CDH15: variants seen among roughly 807,000 people sequenced by gnomAD.
CDH15 encodes cadherin 15, also known as cadherin-15.
In CDH15, 73 loss-of-function variants were observed where a neutral mutation model predicts 69.4. That is an observed-to-expected ratio of 1.05 (90% confidence interval 0.87 to 1.28). The LOEUF (loss-of-function observed/expected upper bound fraction) is 1.28, where lower values mean the gene tolerates loss of function less well. CDH15 is among the 50% of genes most tolerant of loss of function. The probability of loss-of-function intolerance (pLI) is 0.00; values close to 1 mark genes in which losing one functional copy is unlikely to be tolerated. For synonymous variants in CDH15, 624 were observed against 507.7 expected (o/e 1.23, Z -3.08); for missense variants, 1,343 against 1,133.6 (o/e 1.18, Z -2.65).
At chr16:89,192,124 C>T in intron 10 of CDH15, 81 bp from the exon 11 acceptor site, 2 of 1,454,308 alleles carry the variant, frequency 1.4e-6, no homozygotes. Flanking sequence ...TCGGGATCCC[C>T]ACCCTGTCTC....
At chr16:89,185,696 C>T (rs1010092476) in intron 5 of CDH15, 31 of 357,944 alleles carry the variant, frequency 8.7e-5, no homozygotes, top group Non-Finnish European at 1.4e-4. Context: ...TCGGTGCTCC[C>T]GGAAGACCCC....
Position 89,183,617 on chromosome 16 carries a change from G to A in CDH15, c.427G>A (p.Val143Met). The A allele has an allele frequency of 6.2e-7, 1 of 1,614,178 alleles. No homozygotes were observed. The highest frequency in any genetic ancestry group is 2.2e-5 in the East Asian group (1 of 44,890). Reference sequence around the variant, plus strand: ...CCCCACGGACCTGGAGATTGTAGTTGTGGATCAGAATGACAACCGGCCAGC... The same window carrying A: ...CCCCACGGACCTGGAGATTGTAGTTATGGATCAGAATGACAACCGGCCAGC... ...EDPTDLEIVVVDQNDNRPAFL... is the reference protein window; with the variant it reads ...EDPTDLEIVVMDQNDNRPAFL... Residue 143 changes from valine (V) to methionine (M), a missense_variant, in exon 4 of 14, where the codon GTG becomes ATG. Transcript: ENST00000289746.
rs190571857 is a variant in CDH15, at chr16:89,181,516, G to A, written c.357+1161G>A. ...AAATTAGCCAGCGGTGTTGCTGCGTGCCTGTGGTCCCAGCTGCTTGGAAGG... is the reference window on the plus strand; with the variant it reads ...AAATTAGCCAGCGGTGTTGCTGCGTACCTGTGGTCCCAGCTGCTTGGAAGG... On this transcript the variant is annotated intron_variant, in intron 3 of 13. Transcript: ENST00000289746. 7.9e-5 allele frequency among the ~76,000 whole-genome samples: 12 copies of A among 152,328 alleles called. No individual in the cohort carries two copies. The East Asian group carries it at 2.3e-3, about 29-fold the overall frequency.
chr16:89,178,742 G>C (rs1251168176), intron 1 of CDH15, among the ~76,000 whole-genome samples: 1 of 152,238 alleles, frequency 6.6e-6, no homozygotes, highest in Non-Finnish European at 1.5e-5. Context: ...TACATCTCCA[G>C]CTGCTCTTGA....
In CDH15 at chr16:89,185,160, C is replaced by A. The variant is rs1480263103; in HGVS notation, c.503-13C>A. On this transcript the variant is annotated splice_polypyrimidine_tract_variant and intron_variant, in intron 4 of 13. Coordinates refer to ENST00000289746, the MANE Select transcript of CDH15 (RefSeq NM_004933.3). ...TGTGGACGTTGGCCCTCACGCCTCC[C>A]TGTGCTTCCCAGGCACCTATGTGAC... 1 of 1,587,430 alleles carries A rather than the reference C, an allele frequency of 6.3e-7. No homozygotes were observed. Among genetic ancestry groups the A allele is most frequent in the South Asian group, 1.1e-5 (1 of 87,848 alleles).
In CDH15 at chr16:89,179,543, A is replaced by C. The variant is rs1209708412; in HGVS notation, c.170A>C (p.Asn57Thr). The C allele has an allele frequency of 3.7e-6, 6 of 1,608,388 alleles. No homozygotes were observed. The South Asian group carries it at 5.5e-5, about 15-fold the overall frequency. Reference protein sequence around the residue: ...WVIPPISVSENHKRLPYPLVQ... With the variant: ...WVIPPISVSETHKRLPYPLVQ... ...ATCCCCCCGATCAGCGTATCCGAGA[A>C]CCACAAGCGTCTCCCCTACCCCCTG... The change falls in exon 2 of 14, where the codon AAC becomes ACC. Residue 57 changes from asparagine (N) to threonine (T), a missense_variant. Transcript: ENST00000289746.
intron 8 of CDH15, among the ~76,000 whole-genome samples, chr16:89,190,811 G>A (rs967820680): frequency 6.6e-6 from 1 of 152,140 alleles, no homozygotes; most frequent in African/African-American, 2.4e-5. Flanking sequence ...CTGGCCCTGT[G>A]TATCCCTGTC....
chr16:89,178,760 G>A (rs1915311537), intron 1 of CDH15, among the ~76,000 whole-genome samples: 2 of 152,236 alleles, frequency 1.3e-5, no homozygotes, highest in Non-Finnish European at 2.9e-5. Context: ...TGATGGACTG[G>A]AGCTGAACTC....
Position 89,177,229 on chromosome 16 carries a change from G to A in CDH15, c.43-2187G>A, listed in dbSNP as rs183058692. ...TCTCTCACCCCCACAGCCCTGCAGT[G>A]GGGGGCTGGGAAGGTCGGGGTACCC... On this transcript the variant is annotated intron_variant, in intron 1 of 13. Transcript: ENST00000289746. 1.6e-4 allele frequency among the ~76,000 whole-genome samples: 25 copies of A among 152,272 alleles called. No homozygotes were observed. In the East Asian group the frequency reaches 4.2e-3, roughly 26 times the overall value.
At chr16:89,183,488 T>C in intron 3 of CDH15, 60 bp from the exon 4 acceptor site, 2 of 1,603,936 alleles carry the variant, frequency 1.2e-6, no homozygotes, top group Non-Finnish European at 1.7e-6. Context: ...CGCATGGCCC[T>C]AACGGGAGCC....
chr16:89,180,322 C>T lies in CDH15; in HGVS notation c.324C>T (p.Ala108=). The change falls in exon 3 of 14, where the codon GCC becomes GCT. Residue 108 remains alanine (A), a synonymous_variant. Transcript: ENST00000289746. ...TCACAGGGAAGGTCTTCCTCAATGC[C>T]ATGCTGGACCGCGAGAAGACTGATC... ...DKFTGKVFLN[A]MLDREKTDRF... 1 of 1,612,672 alleles carries T rather than the reference C, an allele frequency of 6.2e-7. No homozygotes were observed. The highest frequency in any genetic ancestry group is 8.5e-7 in the Non-Finnish European group (1 of 1,179,614).
At chr16:89,191,256 C>G in intron 8 of CDH15, 74 bp from the exon 9 acceptor site, 1 of 1,551,460 alleles carries the variant, frequency 6.4e-7, no homozygotes, top group Non-Finnish European at 8.9e-7. Context: ...GTGCATGTCA[C>G]GCACCCATAC....
At chr16:89,172,400 A>C (rs534061565) in intron 1 of CDH15, among the ~76,000 whole-genome samples, 1 of 152,072 alleles carries the variant, frequency 6.6e-6, no homozygotes, top group African/African-American at 2.4e-5. Context: ...CCTCACGGCT[A>C]CTTCTCGATT....
chr16:89,184,255 C>T (rs781518580), intron 4 of CDH15, among the ~76,000 whole-genome samples: 1 of 152,270 alleles, frequency 6.6e-6, no homozygotes. Flanking sequence ...CAGTGGCCTC[C>T]GCGCCTCGTT....
intron 3 of CDH15, among the ~76,000 whole-genome samples, chr16:89,181,371 G>A (rs149436839): frequency 2.9e-4 from 44 of 152,230 alleles, no homozygotes; most frequent in Middle Eastern, 6.8e-3. Flanking sequence ...CAGCACTTCG[G>A]GAGGCTGAGG....
chr16:89,192,345 G>A lies in CDH15; in HGVS notation c.1756G>A (p.Gly586Ser), dbSNP rs1330092752. ...NVTVCRCGKD[G>S]VCLPGAAALL... is the part of the protein sequence containing the mutation. Reference sequence around the variant, plus strand: ...GACCGTGTGCCGCTGCGGCAAGGACGGCGTCTGCCTGCCGGGGGCCGCAGC... The same window carrying A: ...GACCGTGTGCCGCTGCGGCAAGGACAGCGTCTGCCTGCCGGGGGCCGCAGC... Residue 586 changes from glycine (G) to serine (S), a missense_variant, in exon 11 of 14, where the codon GGC becomes AGC. Coordinates refer to ENST00000289746, the MANE Select transcript of CDH15 (RefSeq NM_004933.3). The A allele has an allele frequency of 2.6e-6, 4 of 1,535,990 alleles. No individual in the cohort carries two copies. Among genetic ancestry groups the A allele is most frequent in the East Asian group, 4.9e-5 (2 of 41,104 alleles).
Position 89,191,906 on chromosome 16 carries a change from T to C in CDH15, c.1615+12T>C. On this transcript the variant is annotated intron_variant, in intron 10 of 13. Transcript: ENST00000289746. The stretch of plus-strand genomic sequence containing the variant: ...CAGCCAGGTCAACGGTGCGCTCCCC[T>C]CACCGCCGCGCTCCCCCCATCCCCA... 6.5e-7 allele frequency: 1 copy of C among 1,539,960 alleles called. No individual in the cohort carries two copies. The highest frequency in any genetic ancestry group is 8.7e-7 in the Non-Finnish European group (1 of 1,148,514).
Position 89,180,265 on chromosome 16 carries a change from G to C in CDH15, c.267G>C (p.Glu89Asp). 1 of 1,609,932 alleles carries C rather than the reference G, an allele frequency of 6.2e-7. No individual in the cohort carries two copies. Among genetic ancestry groups the C allele is most frequent in the Non-Finnish European group, 8.5e-7 (1 of 1,178,396 alleles). The change falls in exon 3 of 14, where the codon GAG becomes GAC. Residue 89 changes from glutamate (E) to aspartate (D), a missense_variant. By Grantham distance (45) the Glu-to-Asp change is conservative. Transcript: ENST00000289746. Reference sequence around the variant, plus strand: ...GCATCCAGGGACCCGGCGTGGATGAGGAGCCCCGGGGCGTCTTCTCTATCG... The same window carrying C: ...GCATCCAGGGACCCGGCGTGGATGACGAGCCCCGGGGCGTCTTCTCTATCG... ...IYSIQGPGVD[E>D]EPRGVFSIDK...
Position 89,191,485 on chromosome 16 carries a change from G to C in CDH15, c.1375+13G>C, listed in dbSNP as rs370811655. On this transcript the variant is annotated intron_variant, in intron 9 of 13. Coordinates refer to ENST00000289746, the MANE Select transcript of CDH15 (RefSeq NM_004933.3). ...GCCCAGGATGACGGTGAGCGGCGCC[G>C]CCGGCTTGGGGCTCCCTGACCTGGC... 6.2e-6 allele frequency: 10 copies of C among 1,611,186 alleles called. No homozygotes were observed. Among genetic ancestry groups the C allele is most frequent in the Non-Finnish European group, 7.6e-6 (9 of 1,179,756 alleles).
Sources: gnomAD v4.1 joint callset for allele counts (sites outside exome capture counted in the v4.1 genomes callset) on GRCh38, gnomAD v4.1.1 for gene constraint, MANE v1.5 for transcripts, NCBI Gene and HGNC (gene_info 2026-07-23, HGNC 2026-07-21) for gene names.